The following GRIN2B variants were observed in gnomAD, a reference collection of about 807,000 sequenced individuals.
The protein encoded by GRIN2B is glutamate receptor ionotropic, NMDA 2B.
In GRIN2B, 5 loss-of-function variants were observed where a neutral mutation model predicts 114.5. That is an observed-to-expected ratio of 0.04 (90% CI 0.02 to 0.09). The LOEUF is 0.09. GRIN2B is among the 10% of genes least tolerant of loss of function. The probability of loss-of-function intolerance (pLI) is 1.00; values close to 1 mark genes in which losing one functional copy is unlikely to be tolerated. For synonymous variants in GRIN2B, 787 were observed against 745.1 expected (o/e 1.06, Z -0.92); for missense variants, 1,108 against 1,943.5 (o/e 0.57, Z 8.08).
chr12:13,672,445 G>A (rs1268761303), intron 5 of GRIN2B, among the ~76,000 whole-genome samples: 1 of 152,112 alleles, frequency 6.6e-6, no homozygotes, highest in African/African-American at 2.4e-5. Context: ...TGGACCAAGG[G>A]GACTTTCTGA....
intron 3 of GRIN2B, among the ~76,000 whole-genome samples, chr12:13,784,478 C>T (rs184789641): frequency 5.9e-5 from 9 of 152,184 alleles, no homozygotes; most frequent in Admixed American, 2.0e-4. Context: ...TGATAGCTGT[C>T]CCACTAATGA....
intron 4 of GRIN2B, among the ~76,000 whole-genome samples, chr12:13,750,064 T>C (rs1231353383): frequency 6.6e-6 from 1 of 152,130 alleles, no homozygotes; most frequent in Non-Finnish European, 1.5e-5. Context: ...AATGCTTTAG[T>C]GGAGAAGTAG....
intron 3 of GRIN2B, among the ~76,000 whole-genome samples, chr12:13,777,829 G>T (rs771253283): frequency 1.9e-4 from 29 of 152,232 alleles, no homozygotes; most frequent in Non-Finnish European, 3.7e-4. Flanking sequence ...TATTGGTTTT[G>T]GTCCAAACAT....
intron 3 of GRIN2B, among the ~76,000 whole-genome samples, chr12:13,807,934 T>TA (rs1310727532): frequency 6.6e-6 from 1 of 152,072 alleles, no homozygotes; most frequent in Non-Finnish European, 1.5e-5. Context: ...AGATAATCCA[T>TA]AATCTGTTAT....
rs765346011 is a variant in GRIN2B, at chr12:13,567,268, G to A, written c.2360-5C>T. 1 of 1,601,256 alleles carries A rather than the reference G, an allele frequency of 6.2e-7. No homozygotes were observed. The highest frequency in any genetic ancestry group is 2.2e-5 in the East Asian group (1 of 44,810). On this transcript the variant is annotated splice_polypyrimidine_tract_variant and splice_region_variant and intron_variant, in intron 12 of 13. Transcript: ENST00000609686. Reference sequence around the variant, plus strand: ...CTTCCAGTTCTTCCATCTCCCCTGGGGAAAGGACAGAGAAGGAAAATGGAT... The same window carrying A: ...CTTCCAGTTCTTCCATCTCCCCTGGAGAAAGGACAGAGAAGGAAAATGGAT...
At chr12:13,974,155 G>C (rs1862976978) in intron 2 of GRIN2B, among the ~76,000 whole-genome samples, 1 of 152,208 alleles carries the variant, frequency 6.6e-6, no homozygotes, top group African/African-American at 2.4e-5. Flanking sequence ...GGCTAGGCTG[G>C]TCCTTCATTC....
chr12:13,597,807 C>G (rs1328652215), intron 10 of GRIN2B, among the ~76,000 whole-genome samples: 1 of 152,192 alleles, frequency 6.6e-6, no homozygotes, highest in Non-Finnish European at 1.5e-5. Flanking sequence ...CTGGTCAAGA[C>G]CCTCCATCGG....
rs149382730 is a variant in GRIN2B, at chr12:13,732,536, C to T, written c.1010+20781G>A. Among the ~76,000 whole-genome samples the T allele has an allele frequency of 4.7e-3, 720 of 152,328 alleles. 16 individuals are homozygous for T. Among genetic ancestry groups the T allele is most frequent in the Middle Eastern group, 6.8e-3 (2 of 294 alleles). ...TATCAAGGCTGTAACTTCAGCCGAC[C>T]TAGACAATATCCCTCTACTATAGCA... is the stretch of plus-strand genomic sequence containing the variant. On this transcript the variant is annotated intron_variant, in intron 4 of 13. Coordinates refer to ENST00000609686, the MANE Select transcript of GRIN2B (RefSeq NM_000834.5).
chr12:13,762,891 GT>G lies in GRIN2B; in HGVS notation c.412-8977del, dbSNP rs886900022. On this transcript the variant is annotated intron_variant, in intron 3 of 13. Coordinates refer to ENST00000609686, the MANE Select transcript of GRIN2B (RefSeq NM_000834.5). ...TCTGAGAAAGTTTTTTTTTTGTTTG[GT>G]TTTTTGTTTTTTGTTTTTTCCACCA... is the stretch of plus-strand genomic sequence containing the variant. 7.2e-5 allele frequency among the ~76,000 whole-genome samples: 11 copies of G among 151,896 alleles called. No individual in the cohort carries two copies. The East Asian group carries it at 1.9e-3, about 27-fold the overall frequency.
At position 13,564,328 on chromosome 12, in the gene GRIN2B, G is replaced by C; in HGVS notation, c.2910C>G (p.Phe970Leu). 6.2e-7 allele frequency: 1 copy of C among 1,614,212 alleles called. No individual in the cohort carries two copies. Among genetic ancestry groups the C allele is most frequent in the Non-Finnish European group, 8.5e-7 (1 of 1,180,032 alleles). Residue 970 changes from phenylalanine to leucine, a missense_variant, in exon 14 of 14, where the codon TTC becomes TTG. Phe to Leu is a conservative substitution (Grantham distance 22). This residue lies in a region of GRIN2B where 140 missense variants were observed against 187.5 expected (regional missense o/e 0.75). Transcript: ENST00000609686. The surrounding 1 kb of genome is among the most constrained non-coding windows in gnomAD (Gnocchi z 4.8). ...TGCTGTCCTTCAGCTGCAGGTTCCC[G>C]AACGTTCTCTCTACCTCACTGATGT... ...SDYISEVERTFGNLQLKDSNV... is the reference protein window; with the variant it reads ...SDYISEVERTLGNLQLKDSNV...
chr12:13,808,114 A>C (rs115502948), intron 3 of GRIN2B, among the ~76,000 whole-genome samples: 1,694 of 152,254 alleles, frequency 0.011, 34 homozygotes, highest in African/African-American at 0.04. Flanking sequence ...AGAAAGCCAT[A>C]AAGATTGCAT....
At chr12:13,577,602 T>A (rs962757112) in intron 10 of GRIN2B, among the ~76,000 whole-genome samples, 1 of 152,244 alleles carries the variant, frequency 6.6e-6, no homozygotes, top group Non-Finnish European at 1.5e-5. Context: ...GGTCCATTTT[T>A]AATATATAAA....
In GRIN2B at chr12:13,553,293, A is replaced by G. The variant is rs945804401; in HGVS notation, c.*9490T>C. 4 of 152,218 alleles carry G rather than the reference A, an allele frequency of 2.6e-5. No homozygotes were observed. Among genetic ancestry groups the G allele is most frequent in the Admixed American group, 1.3e-4 (2 of 15,280 alleles). 9.4% of individuals were successfully genotyped at this position (152,218 alleles called of 1,614,324 possible). ...AGTGATGTTGTCTCCCCCTGAGGTA[A>G]TGAATCCCTTTATATTTACAGAGAA... On this transcript the variant is annotated 3_prime_UTR_variant, in exon 14 of 14. Transcript: ENST00000609686.
At chr12:13,791,514 CAGAA>C (rs1477354596) in intron 3 of GRIN2B, among the ~76,000 whole-genome samples, 1 of 150,456 alleles carries the variant, frequency 6.6e-6, no homozygotes, top group East Asian at 2.0e-4. Context: ...TTTTTAATGA[CAGAA>C]AGAACCACAG....
chr12:13,910,098 C>T (rs1001227650), intron 2 of GRIN2B, among the ~76,000 whole-genome samples: 2 of 152,170 alleles, frequency 1.3e-5, no homozygotes, highest in Non-Finnish European at 2.9e-5. Context: ...AGCCAAATTG[C>T]TTCCAAACCT....
intron 3 of GRIN2B, among the ~76,000 whole-genome samples, chr12:13,817,371 A>T (rs371149466): frequency 1.3e-5 from 2 of 152,174 alleles, no homozygotes; most frequent in East Asian, 3.9e-4. Flanking sequence ...CCTGTTAGTC[A>T]GCAGATGCTC....
At chr12:13,812,194 A>G (rs1309125823) in intron 3 of GRIN2B, among the ~76,000 whole-genome samples, 3 of 152,194 alleles carry the variant, frequency 2.0e-5, no homozygotes, top group South Asian at 4.1e-4. Context: ...CCCAAATTAT[A>G]TAAAAGACAC....
At chr12:13,579,261 C>T (rs920094742) in intron 10 of GRIN2B, among the ~76,000 whole-genome samples, 1 of 152,052 alleles carries the variant, frequency 6.6e-6, no homozygotes, top group Non-Finnish European at 1.5e-5. Flanking sequence ...GGAAGCAGGG[C>T]CTGGATCACA....
At chr12:13,607,421 ATAT>A (rs1949293609) in intron 10 of GRIN2B, among the ~76,000 whole-genome samples, 7 of 81,790 alleles carry the variant, frequency 8.6e-5, no homozygotes, top group African/African-American at 3.7e-4. Context: ...TATATAATAT[ATAT>A]TATATATAAT....
Sources: allele counts gnomAD v4.1 joint callset (sites outside exome capture counted in the v4.1 genomes callset), GRCh38; gene constraint gnomAD v4.1.1; regional missense constraint gnomAD v4.1.1; non-coding constraint Gnocchi (gnomAD v3.1); transcripts MANE v1.5; gene names NCBI Gene and HGNC (gene_info 2026-07-23, HGNC 2026-07-21).